The following PGAP3 variants were observed in gnomAD, a reference collection of about 807,000 sequenced individuals.
PGAP3 encodes the protein post-GPI attachment to proteins phospholipase 3, also known as GPI-specific phospholipase A2-like PGAP3.
Under a neutral mutation model 40.3 loss-of-function variants are expected in PGAP3, and 31 were observed. The ratio of observed to expected loss-of-function variants is 0.77; its 90% CI spans 0.58 to 1.04. The LOEUF (loss-of-function observed/expected upper bound fraction) is 1.04. PGAP3 is among the 50% of genes least tolerant of loss of function. The pLI, the probability that PGAP3 is intolerant of heterozygous loss-of-function variation, is 0.00. For missense variants in PGAP3, 413 were observed against 423.0 expected, an observed-to-expected ratio of 0.98 and a Z score of 0.21; for synonymous variants, 191 against 184.5, an observed-to-expected ratio of 1.04 and a Z score of -0.29.
intron 5 of PGAP3, 43 bp downstream of exon 5, chr17:39,673,950 C>G (rs200555500): frequency 5.0e-6 from 8 of 1,595,530 alleles, no homozygotes; most frequent in Non-Finnish European, 6.9e-6. Context: ...CTTTCTGCCC[C>G]CAGGGTTCGA....
chr17:39,674,427 A>G (rs1175645300), intron 4 of PGAP3, among the ~76,000 whole-genome samples, 190 bp downstream of exon 4: 4 of 152,124 alleles, frequency 2.6e-5, no homozygotes, highest in African/African-American at 9.7e-5. Flanking sequence ...AGGCAAGAAG[A>G]GCGAATACTC....
intron 3 of PGAP3, among the ~76,000 whole-genome samples, chr17:39,680,282 T>A (rs957932624): frequency 6.6e-6 from 1 of 152,158 alleles, no homozygotes; most frequent in African/African-American, 2.4e-5. Flanking sequence ...TTGGGCAAGT[T>A]TTTTTCCCCT....
rs752330958 is a variant in PGAP3, at chr17:39,674,024, T to G, written c.526A>C (p.Ile176Leu). Residue 176 changes from isoleucine to leucine, a missense_variant, in exon 5 of 8, where the codon ATC becomes CTC. Ile to Leu is a conservative substitution (Grantham distance 5, BLOSUM62 2). Coordinates refer to ENST00000300658, the MANE Select transcript of PGAP3 (RefSeq NM_033419.5). ...KMDYFCASTV[I>L]LHSIYLCCVR... ...CAGCACAGGTAGATTGAGTGTAGGATGACAGTGGAGGCACAGAAGTAGTCC... is the reference window on the plus strand; with the variant it reads ...CAGCACAGGTAGATTGAGTGTAGGAGGACAGTGGAGGCACAGAAGTAGTCC... The G allele has an allele frequency of 4.3e-6, 7 of 1,613,974 alleles. No homozygotes were observed. The highest frequency in any genetic ancestry group is 1.7e-5 in the Admixed American group (1 of 60,010).
intron 1 of PGAP3, among the ~76,000 whole-genome samples, chr17:39,686,555 A>ATTTTT (rs35277523): frequency 1.0e-5 from 1 of 98,514 alleles, no homozygotes; most frequent in Non-Finnish European, 1.9e-5. Flanking sequence ...CGCACCCGGC[A>ATTTTT]TTTTTTTTTT....
chr17:39,674,387 TC>T (rs2145102477), intron 4 of PGAP3, among the ~76,000 whole-genome samples: 1 of 152,130 alleles, frequency 6.6e-6, no homozygotes. Context: ...AAGCATGTGG[TC>T]CCCCTGTCGA....
chr17:39,672,634 C>A lies in PGAP3; in HGVS notation c.*169G>T. The A allele has an allele frequency of 1.4e-6, 1 of 706,182 alleles. No individual in the cohort carries two copies. The highest frequency in any genetic ancestry group is 2.3e-5 in the Admixed American group (1 of 43,684). The allele number at this position is 706,182 out of a possible 1,614,324, so 43.7% of individuals were successfully genotyped here. ...GCCTTCCCTAGAACAGACTCCAAGGCTGGTGAGGGCCAACAGGGGGTGGGC... is the reference window on the plus strand; with the variant it reads ...GCCTTCCCTAGAACAGACTCCAAGGATGGTGAGGGCCAACAGGGGGTGGGC... On this transcript the variant is annotated 3_prime_UTR_variant, in exon 8 of 8. Coordinates refer to ENST00000300658, the MANE Select transcript of PGAP3 (RefSeq NM_033419.5).
In PGAP3 at chr17:39,673,997, C is replaced by A. The variant is rs149847487; in HGVS notation, c.553G>T (p.Val185Phe). Residue 185 changes from valine (V) to phenylalanine (F), a missense_variant, in exon 5 of 8, where the codon GTC becomes TTC. Coordinates refer to ENST00000300658, the MANE Select transcript of PGAP3 (RefSeq NM_033419.5). ...CAGCCACCCAGGCAGGCTCACCTGA[C>A]GCAGCACAGGTAGATTGAGTGTAGG... Reference protein sequence around the residue: ...VILHSIYLCCVRTVGLQHPAV... With the variant: ...VILHSIYLCCFRTVGLQHPAV... 3 of 1,613,936 alleles carry A rather than the reference C, an allele frequency of 1.9e-6. No individual in the cohort carries two copies. Among genetic ancestry groups the A allele is most frequent in the Non-Finnish European group, 2.5e-6 (3 of 1,179,854 alleles).
At chr17:39,679,731 C>T (rs1260943849) in intron 3 of PGAP3, among the ~76,000 whole-genome samples, 2 of 152,196 alleles carry the variant, frequency 1.3e-5, no homozygotes, top group Non-Finnish European at 2.9e-5. Flanking sequence ...GCCCTGCCTA[C>T]ATCAGAGCCC....
In PGAP3 at chr17:39,672,057, A is replaced by T. The variant is rs2057312611; in HGVS notation, c.*746T>A. The T allele has an allele frequency of 6.5e-6, 1 of 152,988 alleles. No homozygotes were observed. Among genetic ancestry groups the T allele is most frequent in the Non-Finnish European group, 1.5e-5 (1 of 68,398 alleles). 9.5% of individuals were successfully genotyped at this position (152,988 alleles called of 1,614,324 possible). A position where few individuals can be genotyped will look rare whatever the true frequency, so the allele number is the denominator to read the frequency against. ...TCTCCACACTGCGCACCTAGGCCTG[A>T]GCTCACACACACCCAGGCCCATGCT... On this transcript the variant is annotated 3_prime_UTR_variant, in exon 8 of 8. Transcript: ENST00000300658.
intron 3 of PGAP3, among the ~76,000 whole-genome samples, chr17:39,677,253 T>A (rs544435655): frequency 1.3e-5 from 2 of 152,318 alleles, no homozygotes; most frequent in Admixed American, 1.3e-4. Flanking sequence ...TGGTCCATAG[T>A]AGGTGCCCAT....
chr17:39,675,264 G>A (rs928098519), intron 3 of PGAP3, among the ~76,000 whole-genome samples: 6 of 152,068 alleles, frequency 3.9e-5, no homozygotes, highest in African/African-American at 9.7e-5. Context: ...GGCTGCTCCC[G>A]AGCCTGGGAG....
At position 39,684,723 on chromosome 17, in the gene PGAP3, A is replaced by G; in HGVS notation, c.306T>C (p.Phe102=). 1.9e-6 allele frequency: 3 copies of G among 1,611,074 alleles called. No individual in the cohort carries two copies. Among genetic ancestry groups the G allele is most frequent in the East Asian group, 2.2e-5 (1 of 44,754 alleles). Residue 102 remains phenylalanine (F), a synonymous_variant, in exon 3 of 8, where the codon TTT becomes TTC. Coordinates refer to ENST00000300658, the MANE Select transcript of PGAP3 (RefSeq NM_033419.5). ...AGGCCACGGCCGATGCCGGCTCTTG[A>G]AAGAACAGGAACCGGGAGAAGGGCC... is the stretch of plus-strand genomic sequence containing the variant. ...GKWPFSRFLF[F]QEPASAVASF... is the part of the protein sequence containing the mutation.
In PGAP3 at chr17:39,674,064, G is replaced by C. The variant is rs758587791; in HGVS notation, c.496-10C>G. 9.9e-6 allele frequency: 16 copies of C among 1,613,176 alleles called. No homozygotes were observed. The highest frequency in any genetic ancestry group is 1.3e-5 in the Non-Finnish European group (15 of 1,179,292). On this transcript the variant is annotated splice_polypyrimidine_tract_variant and intron_variant, in intron 4 of 7. Transcript: ENST00000300658. ...AGAAGTAGTCCATTTTCTGAGGACA[G>C]GGAAGGGTGGTGAGGGACCAGCATG... is the stretch of plus-strand genomic sequence containing the variant.
intron 5 of PGAP3, 45 bp from the exon 6 acceptor site, chr17:39,673,695 C>A (rs766624382): frequency 1.2e-6 from 2 of 1,607,062 alleles, no homozygotes; most frequent in African/African-American, 2.7e-5. Context: ...TGGCCCATCC[C>A]CAGAGCAGCA....
chr17:39,682,375 G>A (rs2057453302), intron 3 of PGAP3, among the ~76,000 whole-genome samples: 1 of 151,522 alleles, frequency 6.6e-6, no homozygotes, highest in African/African-American at 2.4e-5. Flanking sequence ...TTTGTAGAAC[G>A]GAGGCTGCAC....
rs968333913 is a variant in PGAP3, at chr17:39,673,874, G to A, written c.557+119C>T. ...CTCACCCAGGACAGCTGATGTGTTG[G>A]GGGTTGGGGGGCGTAGGTGTTGGGA... On this transcript the variant is annotated intron_variant, in intron 5 of 7. Transcript: ENST00000300658. 22 of 1,310,152 alleles carry A rather than the reference G, an allele frequency of 1.7e-5. No homozygotes were observed. In the East Asian group the frequency reaches 3.5e-4, roughly 21 times the overall value. 81.2% of individuals were successfully genotyped at this position (1,310,152 alleles called of 1,614,324 possible). A position where few individuals can be genotyped will look rare whatever the true frequency, so the allele number is the denominator to read the frequency against.
chr17:39,678,358 G>A (rs1251806429), intron 3 of PGAP3, among the ~76,000 whole-genome samples: 2 of 152,194 alleles, frequency 1.3e-5, no homozygotes, highest in Non-Finnish European at 2.9e-5. Context: ...ATGAAGGCCT[G>A]GGGAATTGGT....
Position 39,687,884 on chromosome 17 carries a change from C to T in PGAP3, c.131G>A (p.Gly44Asp). The T allele has an allele frequency of 1.3e-6, 2 of 1,511,378 alleles. No homozygotes were observed. Among genetic ancestry groups the T allele is most frequent in the Admixed American group, 2.0e-5 (1 of 50,310 alleles). 93.6% of individuals were successfully genotyped at this position (1,511,378 alleles called of 1,614,324 possible). ...LQCEEQNCSG[G>D]ALNHFRSRQP... ...GCGGGAGCGGAAGTGATTCAGAGCG[C>T]CCCCAGAGCAGTTCTGCTCTTCGCA... The change falls in exon 1 of 8, where the codon GGC (glycine) becomes GAC (aspartate). Residue 44 changes from glycine (G) to aspartate (D), a missense_variant. Coordinates refer to ENST00000300658, the MANE Select transcript of PGAP3 (RefSeq NM_033419.5).
At position 39,674,029 on chromosome 17, in the gene PGAP3, G is replaced by A. The variant is rs115651105; in HGVS notation, c.521C>T (p.Thr174Ile). ...CAGGTAGATTGAGTGTAGGATGACAGTGGAGGCACAGAAGTAGTCCATTTT... is the reference window on the plus strand; with the variant it reads ...CAGGTAGATTGAGTGTAGGATGACAATGGAGGCACAGAAGTAGTCCATTTT... ...TEKMDYFCAS[T>I]VILHSIYLCC... The change falls in exon 5 of 8, where the codon ACT (threonine) becomes ATT (isoleucine). Residue 174 changes from threonine to isoleucine, a missense_variant. By Grantham distance (89) the Thr-to-Ile change is moderately conservative. Coordinates refer to ENST00000300658, the MANE Select transcript of PGAP3 (RefSeq NM_033419.5). The A allele has an allele frequency of 3.9e-5, 63 of 1,614,108 alleles. No individual in the cohort carries two copies. The African/African-American group carries it at 6.5e-4, about 17-fold the overall frequency.
Sources: gnomAD v4.1 joint callset for allele counts (sites outside exome capture counted in the v4.1 genomes callset) on GRCh38, gnomAD v4.1.1 for gene constraint, MANE v1.5 for transcripts, NCBI Gene and HGNC (gene_info 2026-07-23, HGNC 2026-07-21) for gene names.